ALKBH5: variants seen among roughly 807,000 people sequenced by gnomAD.
The protein encoded by ALKBH5 is alkB homolog 5, RNA demethylase.
Under a neutral mutation model 32.1 loss-of-function variants are expected in ALKBH5, and 2 were observed. The observed-to-expected ratio is 0.06, with a 90% confidence interval of 0.03 to 0.20. The LOEUF is 0.20. Ranked by LOEUF, ALKBH5 falls within the 10% of genes least tolerant of loss-of-function variation. The pLI is 1.00. For synonymous variants in ALKBH5, 300 were observed against 231.7 expected, an observed-to-expected ratio of 1.29 and a Z score of -2.68; for missense variants, 352 against 559.5, an observed-to-expected ratio of 0.63 and a Z score of 3.74.
chr17:18,200,096 CAA>C lies in ALKBH5; in HGVS notation c.851+5076_851+5077del, dbSNP rs1176852819. Among the ~76,000 whole-genome samples the C allele has an allele frequency of 7.8e-3, 841 of 107,836 alleles. 2 individuals carry two copies. Among genetic ancestry groups the C allele is most frequent in the Middle Eastern group, 9.7e-3 (2 of 206 alleles). 70.7% of individuals were successfully genotyped at this position (107,836 alleles called of 152,430 possible). ...TGGGAGACAGAGCGAGACTCCATCT[CAA>C]AAAAAAAAAAAAAATTTTTTTTTTT... On this transcript the variant is annotated intron_variant, in intron 2 of 3. Transcript: ENST00000399138.
chr17:18,207,049 G>A lies in ALKBH5; in HGVS notation c.1007+79G>A, dbSNP rs140209185. 2,364 of 1,547,500 alleles carry A rather than the reference G, an allele frequency of 1.5e-3. 23 individuals are homozygous for A. The African/African-American group carries it at 0.024, about 16-fold the overall frequency. ...AGAAGGGTGGAGAAGCCTGGGGTAG[G>A]CTGTTTAGGAGCCTTGGCTTGCTCA... On this transcript the variant is annotated intron_variant, in intron 3 of 3. Transcript: ENST00000399138.
At position 18,194,947 on chromosome 17, in the gene ALKBH5, C is replaced by T. The variant is rs763084726; in HGVS notation, c.771-8C>T. 5 of 1,613,654 alleles carry T rather than the reference C, an allele frequency of 3.1e-6. No individual in the cohort carries two copies. The highest frequency in any genetic ancestry group is 4.2e-6 in the Non-Finnish European group (5 of 1,179,814). On this transcript the variant is annotated splice_region_variant and splice_polypyrimidine_tract_variant and intron_variant, in intron 1 of 3. Transcript: ENST00000399138. ...CTTCATGGTCACATGTTCTGTGTTT[C>T]TTTTCAGTGGATATGCTGCTGATGA...
At chr17:18,186,459 T>G (rs1429077769) in intron 1 of ALKBH5, among the ~76,000 whole-genome samples, 2 of 152,164 alleles carry the variant, frequency 1.3e-5, no homozygotes, top group Non-Finnish European at 2.9e-5. Flanking sequence ...TTTGGTCTCT[T>G]AGCGGGATAT....
chr17:18,205,604 C>T (rs1299597293), intron 2 of ALKBH5, among the ~76,000 whole-genome samples: 1 of 152,220 alleles, frequency 6.6e-6, no homozygotes, highest in East Asian at 1.9e-4. Flanking sequence ...AAACTTTCCC[C>T]CGTGACTTGC....
Position 18,184,495 on chromosome 17 carries a change from G to A in ALKBH5, c.252G>A (p.Lys84=), listed in dbSNP as rs1319196890. Residue 84 remains lysine, a synonymous_variant, in exon 1 of 4, where the codon AAG becomes AAA. Coordinates refer to ENST00000399138, the MANE Select transcript of ALKBH5 (RefSeq NM_017758.4). ...QQLQKEEEAR[K]VKSGIRQMRL... Reference sequence around the variant, plus strand: ...TGCAGAAGGAGGAGGAGGCGCGCAAGGTGAAGAGCGGCATCCGCCAGATGC... The same window carrying A: ...TGCAGAAGGAGGAGGAGGCGCGCAAAGTGAAGAGCGGCATCCGCCAGATGC... 7 of 1,613,014 alleles carry A rather than the reference G, an allele frequency of 4.3e-6. No individual in the cohort carries two copies. The highest frequency in any genetic ancestry group is 5.9e-6 in the Non-Finnish European group (7 of 1,179,862).
chr17:18,188,481 G>C (rs542417245), intron 1 of ALKBH5, among the ~76,000 whole-genome samples: 1 of 152,256 alleles, frequency 6.6e-6, no homozygotes, highest in Non-Finnish European at 1.5e-5. Flanking sequence ...ATCTTGTTCA[G>C]CTGGTTGAAA....
At chr17:18,207,362 T>A (rs2047274843) in intron 3 of ALKBH5, among the ~76,000 whole-genome samples, 1 of 133,586 alleles carries the variant, frequency 7.5e-6, no homozygotes, top group Non-Finnish European at 1.8e-5. Context: ...TAATTTTTTT[T>A]AAAGGAAAAA....
At position 18,184,753 on chromosome 17, in the gene ALKBH5, G is replaced by A; in HGVS notation, c.510G>A (p.Gln170=). 1 of 1,613,724 alleles carries A rather than the reference G, an allele frequency of 6.2e-7. No individual in the cohort carries two copies. Among genetic ancestry groups the A allele is most frequent in the Non-Finnish European group, 8.5e-7 (1 of 1,179,958 alleles). ...DVDEIPEWVH[Q]LVIQKLVEHR... is the part of the protein sequence containing the mutation. The stretch of plus-strand genomic sequence containing the variant: ...ACGAGATCCCCGAGTGGGTGCACCA[G>A]CTGGTGATCCAAAAGCTGGTGGAGC... The change falls in exon 1 of 4, where the codon CAG becomes CAA. Residue 170 remains glutamine (Q), a synonymous_variant. Coordinates refer to ENST00000399138, the MANE Select transcript of ALKBH5 (RefSeq NM_017758.4).
At position 18,184,342 on chromosome 17, in the gene ALKBH5, TGCCGCAGCC is replaced by T. The variant is rs758262670; in HGVS notation, c.104_112del (p.Ala35_Ala37del). On this transcript the variant is annotated inframe_deletion, in exon 1 of 4. Coordinates refer to ENST00000399138, the MANE Select transcript of ALKBH5 (RefSeq NM_017758.4). ...CGGGCAGCCGGGAGGCCGCCGCCGC[TGCCGCAGCC>T]GCCGTAGCCGCCGCAGCCGCAGCCG... 5.3e-6 allele frequency: 8 copies of T among 1,511,880 alleles called. No homozygotes were observed. Among genetic ancestry groups the T allele is most frequent in the Admixed American group, 4.7e-5 (2 of 42,752 alleles). 93.7% of individuals were successfully genotyped at this position (1,511,880 alleles called of 1,614,324 possible). A position where few individuals can be genotyped will look rare whatever the true frequency, so the allele number is the denominator to read the frequency against.
At chr17:18,198,029 T>G (rs1190995285) in intron 2 of ALKBH5, among the ~76,000 whole-genome samples, 1 of 152,166 alleles carries the variant, frequency 6.6e-6, no homozygotes, top group Non-Finnish European at 1.5e-5. Flanking sequence ...TACCTTCTCA[T>G]CTAACATGTT....
rs1044658029 is a variant in ALKBH5 at position 18,202,996 on chromosome 17, C to G, written c.852-3819C>G. Among the ~76,000 whole-genome samples, 4 of 150,784 alleles carry G rather than the reference C, an allele frequency of 2.7e-5. No individual in the cohort carries two copies. The South Asian group carries it at 8.3e-4, about 31-fold the overall frequency. ...GGCTGAGGCAGGAGAATTGCCTGAA[C>G]CTGGGAGGTGGAGGTGCAGTGAACC... On this transcript the variant is annotated intron_variant, in intron 2 of 3. Transcript: ENST00000399138.
At chr17:18,201,786 G>GATAGGTA (rs200689873) in intron 2 of ALKBH5, among the ~76,000 whole-genome samples, 2,398 of 83,958 alleles carry the variant, frequency 0.029, 38 homozygotes, top group South Asian at 0.055. Context: ...TAGATAGATA[G>GATAGGTA]GATAGATAAG....
rs2047130282 is a variant in ALKBH5 at position 18,185,121 on chromosome 17, C to T, written c.770+108C>T. 2.7e-6 allele frequency: 4 copies of T among 1,493,896 alleles called. No homozygotes were observed. The Admixed American group carries it at 6.7e-5, about 25-fold the overall frequency. The allele number at this position is 1,493,896 out of a possible 1,614,324, so 92.5% of individuals were successfully genotyped here. A position where few individuals can be genotyped will look rare whatever the true frequency, so the allele number is the denominator to read the frequency against. Reference sequence around the variant, plus strand: ...AGTCTGCGTTTTTTACAGTTCTGACCAGTTCTTCTGTTTGTAGATTGTAGG... The same window carrying T: ...AGTCTGCGTTTTTTACAGTTCTGACTAGTTCTTCTGTTTGTAGATTGTAGG... On this transcript the variant is annotated intron_variant, in intron 1 of 3. Coordinates refer to ENST00000399138, the MANE Select transcript of ALKBH5 (RefSeq NM_017758.4).
intron 1 of ALKBH5, among the ~76,000 whole-genome samples, chr17:18,186,123 C>T (rs1466637843): frequency 1.3e-5 from 2 of 152,206 alleles, no homozygotes; most frequent in Non-Finnish European, 2.9e-5. Flanking sequence ...ACAGCTGAGG[C>T]TGCTTCCATG....
rs552364224 is a variant in ALKBH5, at chr17:18,205,575, G to A, written c.852-1240G>A. Among the ~76,000 whole-genome samples, 9 of 152,340 alleles carry A rather than the reference G, an allele frequency of 5.9e-5. No individual in the cohort carries two copies. In the East Asian group the frequency reaches 1.5e-3, roughly 26 times the overall value. ...AGAGTAACTCTTGCCTGTCAGGCTT[G>A]AAGTCTCACTTTGGCTTTAAACTTT... On this transcript the variant is annotated intron_variant, in intron 2 of 3. Coordinates refer to ENST00000399138, the MANE Select transcript of ALKBH5 (RefSeq NM_017758.4).
intron 2 of ALKBH5, among the ~76,000 whole-genome samples, chr17:18,204,317 G>A (rs2047257624): frequency 1.3e-5 from 2 of 152,096 alleles, no homozygotes; most frequent in African/African-American, 4.8e-5. Flanking sequence ...CAGGCGTTGG[G>A]GTGCATGCCT....
intron 2 of ALKBH5, among the ~76,000 whole-genome samples, chr17:18,195,505 G>A (rs1567675399): frequency 6.6e-6 from 1 of 152,180 alleles, no homozygotes; most frequent in Non-Finnish European, 1.5e-5. Flanking sequence ...TGTAGTATTC[G>A]GCAGAATCAT....
rs1204724192 is a variant in ALKBH5, at chr17:18,183,946, C to G, written c.-298C>G. 6.7e-6 allele frequency: 4 copies of G among 595,818 alleles called. No homozygotes were observed. Among genetic ancestry groups the G allele is most frequent in the Middle Eastern group, 2.9e-4 (1 of 3,436 alleles). 36.9% of individuals were successfully genotyped at this position (595,818 alleles called of 1,614,324 possible). On this transcript the variant is annotated 5_prime_UTR_variant, in exon 1 of 4. Transcript: ENST00000399138. ...CCGAGGGTCTGGTCGGGAGTCGGGCCGCGTCTCCGCAGCAGCCCTCCGCGG... is the reference window on the plus strand; with the variant it reads ...CCGAGGGTCTGGTCGGGAGTCGGGCGGCGTCTCCGCAGCAGCCCTCCGCGG...
intron 2 of ALKBH5, among the ~76,000 whole-genome samples, chr17:18,205,790 T>C (rs1305495129): frequency 6.6e-6 from 1 of 152,152 alleles, no homozygotes; most frequent in Non-Finnish European, 1.5e-5. Flanking sequence ...TCCTGCTTAC[T>C]TCTCCCCAGC....
Sources: allele counts gnomAD v4.1 joint callset (sites outside exome capture counted in the v4.1 genomes callset), GRCh38; gene constraint gnomAD v4.1.1; transcripts MANE v1.5; gene names NCBI Gene and HGNC (gene_info 2026-07-23, HGNC 2026-07-21).